Variants in ADD1 observed in about 807,000 individuals in gnomAD.
The protein encoded by ADD1 is adducin 1.
Under a neutral mutation model 80.5 loss-of-function variants are expected in ADD1, and 24 were observed. The ratio of observed to expected loss-of-function variants is 0.30; its 90% CI spans 0.22 to 0.42. The LOEUF (loss-of-function observed/expected upper bound fraction) is 0.42, where lower values mean the gene tolerates loss of function less well. ADD1 is among the 10% of genes least tolerant of loss of function. The pLI, the probability that ADD1 is intolerant of heterozygous loss-of-function variation, is 1.00. For missense variants in ADD1, 948 were observed against 1,019.0 expected (o/e 0.93, Z 0.95); for synonymous variants, 373 against 393.8 (o/e 0.95, Z 0.63).
chr4:2,885,955 GT>G (rs901718265), intron 4 of ADD1, among the ~76,000 whole-genome samples: 15 of 152,144 alleles, frequency 9.9e-5, no homozygotes, highest in African/African-American at 3.6e-4. Flanking sequence ...GGGTTCTTCT[GT>G]TCCTTCACTC....
rs748451124 is a variant in ADD1, at chr4:2,899,234, C to G, written c.985-25C>G. The G allele has an allele frequency of 1.9e-6, 3 of 1,591,940 alleles. No individual in the cohort carries two copies. The South Asian group carries it at 3.4e-5, about 18-fold the overall frequency. ...TCTTGATCTCAGTAAGGAACTCAAG[C>G]CATGCTGTGTGTGTTTTGGAAAAGG... is the stretch of plus-strand genomic sequence containing the variant. On this transcript the variant is annotated intron_variant, in intron 8 of 15. Transcript: ENST00000683351.
chr4:2,920,903 G>A (rs1009464864), intron 14 of ADD1, among the ~76,000 whole-genome samples: 1 of 152,054 alleles, frequency 6.6e-6, no homozygotes, highest in African/African-American at 2.4e-5. Context: ...TATTTTGCCT[G>A]TTAACTGATG....
intron 14 of ADD1, among the ~76,000 whole-genome samples, chr4:2,921,014 A>AGGCC (rs1331377171): frequency 6.6e-5 from 10 of 152,104 alleles, no homozygotes; most frequent in Non-Finnish European, 1.2e-4. Flanking sequence ...TTCAGGTGCT[A>AGGCC]TTGTAAGGCA....
intron 1 of ADD1, among the ~76,000 whole-genome samples, chr4:2,852,278 C>CTT (rs1560139153): frequency 9.0e-6 from 1 of 111,296 alleles, no homozygotes; most frequent in African/African-American, 3.5e-5. Context: ...TCCTTCCTTC[C>CTT]TTCTTTTCTT....
intron 11 of ADD1, 24 bp from the exon 12 acceptor site, chr4:2,908,491 T>C: frequency 6.2e-7 from 1 of 1,605,424 alleles, no homozygotes; most frequent in South Asian, 1.1e-5. Context: ...ACTGTTGATG[T>C]GTGCCTCTCC....
At position 2,915,687 on chromosome 4, in the gene ADD1, G is replaced by A. The variant is rs1269086748; in HGVS notation, c.1948+647G>A. 2.0e-5 allele frequency among the ~76,000 whole-genome samples: 3 copies of A among 152,188 alleles called. No individual in the cohort carries two copies. In the East Asian group the frequency reaches 5.8e-4, roughly 29 times the overall value. On this transcript the variant is annotated intron_variant, in intron 14 of 15. Coordinates refer to ENST00000683351, the MANE Select transcript of ADD1 (RefSeq NM_001354761.2). ...ACAAATACAAAATTAGCCAGGTGTA[G>A]TGGCGCATGCCTGTAATCCCAGCTA...
At chr4:2,867,664 C>G (rs1455714037) in intron 1 of ADD1, among the ~76,000 whole-genome samples, 1 of 152,158 alleles carries the variant, frequency 6.6e-6, no homozygotes, top group South Asian at 2.1e-4. Flanking sequence ...GCTGGGAAGC[C>G]GTTAACTAAC....
chr4:2,883,063 T>C (rs1190116888), intron 3 of ADD1, among the ~76,000 whole-genome samples: 2 of 152,154 alleles, frequency 1.3e-5, no homozygotes, highest in Non-Finnish European at 2.9e-5. Flanking sequence ...GATTTCGCCA[T>C]GTTGGCCATG....
chr4:2,916,161 CATATTA>C (rs1738998571), intron 14 of ADD1, among the ~76,000 whole-genome samples: 2 of 126,054 alleles, frequency 1.6e-5, no homozygotes, highest in South Asian at 2.6e-4. Context: ...AGCCAGCATG[CATATTA>C]TTATTATTAT....
chr4:2,868,935 C>A (rs1012808956), intron 1 of ADD1, among the ~76,000 whole-genome samples: 2 of 152,090 alleles, frequency 1.3e-5, no homozygotes, highest in African/African-American at 4.8e-5. Context: ...TAAATTAGGT[C>A]ATTAAAAATA....
chr4:2,899,546 C>A, intron 9 of ADD1, 111 bp downstream of exon 9: 7 of 1,200,972 alleles, frequency 5.8e-6, no homozygotes, highest in Non-Finnish European at 8.5e-6. Context: ...TGAATACCTT[C>A]ACCTTCAAAG....
chr4:2,884,323 T>G lies in ADD1; in HGVS notation c.359-192T>G, dbSNP rs144629469. ...CCATTAGTATTTGATTTACATTTGA[T>G]AAGAAATGTTAATATTTGAGGCTTT... On this transcript the variant is annotated intron_variant, in intron 3 of 15. Transcript: ENST00000683351. 1.1e-3 allele frequency among the ~76,000 whole-genome samples: 165 copies of G among 152,372 alleles called. 1 individual carries two copies. Among genetic ancestry groups the G allele is most frequent in the Admixed American group, 3.5e-3 (54 of 15,298 alleles).
intron 1 of ADD1, among the ~76,000 whole-genome samples, chr4:2,864,448 T>C (rs1729252743): frequency 6.6e-6 from 1 of 152,112 alleles, no homozygotes; most frequent in Non-Finnish European, 1.5e-5. Context: ...AAAAACAGGA[T>C]TTATATTGTA....
intron 14 of ADD1, among the ~76,000 whole-genome samples, chr4:2,922,853 G>C (rs1253086501): frequency 6.6e-6 from 1 of 152,254 alleles, no homozygotes; most frequent in Non-Finnish European, 1.5e-5. Flanking sequence ...GAGGAATCTA[G>C]AGAGGCAGTC....
In ADD1 at chr4:2,928,319, C is replaced by T. The variant is rs2109245569; in HGVS notation, c.2196C>T (p.Pro732=). Residue 732 remains proline (P), a synonymous_variant, in exon 16 of 16, where the codon CCC becomes CCT. Coordinates refer to ENST00000683351, the MANE Select transcript of ADD1 (RefSeq NM_001354761.2). ...KEEEAHRPPS[P]TEAPTEASPE... The stretch of plus-strand genomic sequence containing the variant: ...AGGAAGCCCATAGACCCCCAAGCCC[C>T]ACTGAGGCCCCTACTGAGGCCAGCC... 3 of 1,614,046 alleles carry T rather than the reference C, an allele frequency of 1.9e-6. No homozygotes were observed. The highest frequency in any genetic ancestry group is 2.5e-6 in the Non-Finnish European group (3 of 1,180,016).
intron 6 of ADD1, among the ~76,000 whole-genome samples, chr4:2,896,199 A>G (rs1735194750): frequency 1.3e-5 from 2 of 148,418 alleles, no homozygotes; most frequent in Admixed American, 6.7e-5. Flanking sequence ...GTAATGCTGT[A>G]TTTTAATTGA....
chr4:2,847,555 ATGAACACG>A (rs1726434773), intron 1 of ADD1, among the ~76,000 whole-genome samples: 1 of 152,216 alleles, frequency 6.6e-6, no homozygotes, highest in African/African-American at 2.4e-5. Context: ...TCAGAACAAG[ATGAACACG>A]TGAACCTCGA....
intron 1 of ADD1, among the ~76,000 whole-genome samples, chr4:2,858,510 AT>A (rs1304076139): frequency 1.3e-5 from 2 of 152,244 alleles, no homozygotes; most frequent in South Asian, 2.1e-4. Context: ...GAGCACATTT[AT>A]TAATCAGCAT....
At chr4:2,923,548 T>G (rs541158252) in intron 14 of ADD1, among the ~76,000 whole-genome samples, 1 of 152,376 alleles carries the variant, frequency 6.6e-6, no homozygotes, top group Admixed American at 6.5e-5. Flanking sequence ...TGCGTTGATC[T>G]CACTGGGAGC....
Sources: allele counts gnomAD v4.1 joint callset (sites outside exome capture counted in the v4.1 genomes callset), GRCh38; gene constraint gnomAD v4.1.1; transcripts MANE v1.5; gene names NCBI Gene and HGNC (gene_info 2026-07-23, HGNC 2026-07-21).